Variants in CAST observed in about 807,000 individuals in gnomAD.
CAST encodes the protein MIR583 host.
CAST carries 76 observed loss-of-function variants against 119.6 expected under a neutral mutation model. The ratio of observed to expected loss-of-function variants is 0.64; its 90% CI spans 0.53 to 0.77. The LOEUF (loss-of-function observed/expected upper bound fraction) is 0.77. Ranked by LOEUF, CAST falls within the 30% of genes least tolerant of loss-of-function variation. The pLI is 0.00. For synonymous variants in CAST, 319 were observed against 331.6 expected (o/e 0.96, Z 0.41); for missense variants, 953 against 946.5 (o/e 1.01, Z -0.09).
At chr5:96,671,053 C>T (rs189262799) in intron 1 of CAST, among the ~76,000 whole-genome samples, 8 of 152,296 alleles carry the variant, frequency 5.3e-5, no homozygotes, top group Admixed American at 4.6e-4. Context: ...TGAGGACAAA[C>T]GACAGTTGTA....
chr5:96,473,694 GC>G, the CAST span, among the ~76,000 whole-genome samples: 1 of 152,180 alleles, frequency 6.6e-6, no homozygotes, highest in Non-Finnish European at 1.5e-5. Flanking sequence ...CAGGTCACTG[GC>G]CAGGACTGAT....
intron 3 of CAST, among the ~76,000 whole-genome samples, chr5:96,713,989 C>A (rs76138858): frequency 6.6e-6 from 1 of 151,904 alleles, no homozygotes; most frequent in African/African-American, 2.4e-5. Context: ...ACAAAAAAAA[C>A]ACAGTGGTCA....
chr5:96,345,875 G>C, the CAST span, among the ~76,000 whole-genome samples: 1 of 152,206 alleles, frequency 6.6e-6, no homozygotes, highest in Admixed American at 6.5e-5. Flanking sequence ...GAGAGACTGA[G>C]AGAAAGATGA....
chr5:96,016,829 GTTTTTTT>G, the CAST span, among the ~76,000 whole-genome samples: 3 of 97,660 alleles, frequency 3.1e-5, no homozygotes, highest in African/African-American at 4.3e-5. Context: ...GGTTATCTGG[GTTTTTTT>G]TTTTTTTTTT....
At chr5:96,137,224 C>T in the CAST span, among the ~76,000 whole-genome samples, 1 of 152,100 alleles carries the variant, frequency 6.6e-6, no homozygotes, top group East Asian at 1.9e-4. Context: ...CTTCTCACTA[C>T]TTTTGTCTTT....
rs148519457 is a variant in CAST, at chr5:96,568,275, A to T, written c.60+38395A>T. 5.9e-5 allele frequency among the ~76,000 whole-genome samples: 9 copies of T among 152,222 alleles called. No homozygotes were observed. The East Asian group carries it at 1.7e-3, about 29-fold the overall frequency. Reference sequence around the variant, plus strand: ...TTTCATCTATTTGTTTGCTATTAAGAGTCAGAAGGCCGGACACGGTGGCTC... The same window carrying T: ...TTTCATCTATTTGTTTGCTATTAAGTGTCAGAAGGCCGGACACGGTGGCTC... On this transcript the variant is annotated intron_variant, in intron 1 of 11. Transcript: ENST00000505143.
chr5:96,682,261 A>C (rs1003925760), intron 2 of CAST, among the ~76,000 whole-genome samples: 5 of 152,112 alleles, frequency 3.3e-5, no homozygotes, highest in African/African-American at 4.8e-5. Context: ...GCTGACATTT[A>C]CCCTTGCACT....
chr5:96,179,725 C>T, the CAST span, among the ~76,000 whole-genome samples: 4 of 152,172 alleles, frequency 2.6e-5, no homozygotes, highest in African/African-American at 4.8e-5. Context: ...GTTGAGAGAA[C>T]GTTACACGGT....
upstream of CAST, among the ~76,000 whole-genome samples, chr5:96,660,587 G>C (rs546059714): frequency 2.0e-5 from 3 of 152,272 alleles, no homozygotes; most frequent in African/African-American, 7.2e-5. Flanking sequence ...TCCAGAGTTT[G>C]AATAAAGTAC....
intron 27 of CAST, among the ~76,000 whole-genome samples, chr5:96,767,141 T>C (rs1288201553): frequency 6.6e-6 from 1 of 152,230 alleles, no homozygotes; most frequent in Non-Finnish European, 1.5e-5. Flanking sequence ...TATAACACTT[T>C]AAGTAGAATT....
the CAST span, among the ~76,000 whole-genome samples, chr5:96,348,387 G>GGAGA: frequency 2.0e-5 from 3 of 149,590 alleles, no homozygotes; most frequent in South Asian, 2.1e-4. Context: ...AGAGGGAGAG[G>GGAGA]GAGAGAGAGA....
the CAST span, among the ~76,000 whole-genome samples, chr5:95,966,784 A>G: frequency 1.1e-4 from 16 of 152,158 alleles, no homozygotes; most frequent in South Asian, 3.3e-3. Context: ...CCCTCTCTCT[A>G]TTCCTTGCCT....
intron 11 of CAST, among the ~76,000 whole-genome samples, chr5:96,739,601 A>G (rs1762294629): frequency 6.6e-6 from 1 of 152,214 alleles, no homozygotes; most frequent in South Asian, 2.1e-4. Flanking sequence ...GCTATTTCTG[A>G]TTAACAGGGA....
intron 1 of CAST, among the ~76,000 whole-genome samples, chr5:96,597,920 G>A (rs955018231): frequency 6.8e-6 from 1 of 147,822 alleles, no homozygotes; most frequent in Admixed American, 6.8e-5. Flanking sequence ...GAAAGGGGGA[G>A]AGAAAAATGG....
chr5:96,012,385 T>C, the CAST span, among the ~76,000 whole-genome samples: 12 of 152,316 alleles, frequency 7.9e-5, no homozygotes, highest in Non-Finnish European at 1.5e-4. Context: ...AGCTCTTTTT[T>C]AGTCCTTCTG....
the CAST span, among the ~76,000 whole-genome samples, chr5:95,991,003 G>A: frequency 2.6e-5 from 4 of 152,186 alleles, no homozygotes; most frequent in East Asian, 3.8e-4. Flanking sequence ...CCACAGGAGA[G>A]AGTCCCAGAA....
At chr5:96,011,156 A>G in the CAST span, among the ~76,000 whole-genome samples, 3 of 152,158 alleles carry the variant, frequency 2.0e-5, no homozygotes, top group Non-Finnish European at 4.4e-5. Context: ...CCAGCATCCA[A>G]TTGTGTCTGA....
the CAST span, among the ~76,000 whole-genome samples, chr5:96,272,667 A>G: frequency 6.6e-6 from 1 of 152,272 alleles, no homozygotes; most frequent in East Asian, 1.9e-4. Context: ...TAGAAGAAAT[A>G]AGATGTAGTG....
At chr5:96,425,036 G>GAAAGAAAGAAAA in the CAST span, among the ~76,000 whole-genome samples, 2 of 139,110 alleles carry the variant, frequency 1.4e-5, no homozygotes, top group Non-Finnish European at 3.1e-5. Flanking sequence ...AAGAAAGAAA[G>GAAAGAAAGAAAA]AAAGAAAGAA....
Sources: gnomAD v4.1 joint callset for allele counts (sites outside exome capture counted in the v4.1 genomes callset) on GRCh38, gnomAD v4.1.1 for gene constraint, MANE v1.5 for transcripts, NCBI Gene and HGNC (gene_info 2026-07-23, HGNC 2026-07-21) for gene names.